KDM7A: variants seen among roughly 807,000 people sequenced by gnomAD.
KDM7A encodes the protein lysine demethylase 7A.
In KDM7A, 28 loss-of-function variants were observed where a neutral mutation model predicts 114.8. That is an observed-to-expected ratio of 0.24 (90% CI 0.18 to 0.33). KDM7A has a LOEUF of 0.33. Ranked by LOEUF, KDM7A falls within the 10% of genes least tolerant of loss-of-function variation. The pLI, the probability that KDM7A is intolerant of heterozygous loss-of-function variation, is 1.00. For synonymous variants in KDM7A, 423 were observed against 397.8 expected (o/e 1.06, Z -0.75); for missense variants, 942 against 1,142.5 (o/e 0.82, Z 2.53).
Position 140,105,896 on chromosome 7 carries a change from T to C in KDM7A, c.1429-3736A>G, listed in dbSNP as rs183242401. The stretch of plus-strand genomic sequence containing the variant: ...CTCTTCTTTGTACCTCTGGTAGAAT[T>C]TGGCTGTGAATCCGTCTGGTCCTGG... On this transcript the variant is annotated intron_variant, in intron 11 of 19. Coordinates refer to ENST00000397560, the MANE Select transcript of KDM7A (RefSeq NM_030647.2). Among the ~76,000 whole-genome samples, 24 of 152,316 alleles carry C rather than the reference T, an allele frequency of 1.6e-4. No individual in the cohort carries two copies. The East Asian group carries it at 2.7e-3, about 17-fold the overall frequency.
chr7:140,111,518 T>C (rs1360381990), intron 10 of KDM7A, among the ~76,000 whole-genome samples: 1 of 152,234 alleles, frequency 6.6e-6, no homozygotes, highest in African/African-American at 2.4e-5. Flanking sequence ...AAGCTTAACA[T>C]TTAATTCATA....
At chr7:140,174,672 C>T (rs1013215023) in intron 1 of KDM7A, among the ~76,000 whole-genome samples, 4 of 152,122 alleles carry the variant, frequency 2.6e-5, no homozygotes, top group Non-Finnish European at 4.4e-5. Flanking sequence ...GCGATCTCGG[C>T]TCACTGCAAC....
intron 1 of KDM7A, among the ~76,000 whole-genome samples, chr7:140,144,431 G>A (rs532913341): frequency 2.6e-5 from 4 of 152,140 alleles, no homozygotes; most frequent in Admixed American, 6.5e-5. Flanking sequence ...TCAAGGGTTC[G>A]GATCAGAATA....
intron 11 of KDM7A, among the ~76,000 whole-genome samples, chr7:140,102,494 T>C (rs1318060259): frequency 1.3e-5 from 2 of 152,080 alleles, no homozygotes; most frequent in Non-Finnish European, 2.9e-5. Flanking sequence ...GCGATCCTCC[T>C]ACCTTAGCCT....
chr7:140,106,493 T>C (rs1818339607), intron 11 of KDM7A, among the ~76,000 whole-genome samples: 1 of 152,352 alleles, frequency 6.6e-6, no homozygotes, highest in Admixed American at 6.5e-5. Flanking sequence ...TGTGTCTTTG[T>C]TCTCATTGGT....
chr7:140,139,991 A>C (rs1794243057), intron 1 of KDM7A, among the ~76,000 whole-genome samples: 1 of 152,218 alleles, frequency 6.6e-6, no homozygotes, highest in Non-Finnish European at 1.5e-5. Flanking sequence ...TAGTAATTTT[A>C]AAAATTGACC....
intron 1 of KDM7A, among the ~76,000 whole-genome samples, chr7:140,167,160 T>A (rs1325845635): frequency 1.3e-5 from 2 of 152,184 alleles, no homozygotes; most frequent in Non-Finnish European, 2.9e-5. Context: ...GGACTCAATA[T>A]TATTAACATA....
intron 7 of KDM7A, among the ~76,000 whole-genome samples, chr7:140,122,411 C>A (rs1818630525): frequency 6.6e-6 from 1 of 150,930 alleles, no homozygotes; most frequent in South Asian, 2.2e-4. Context: ...AACATAAAAG[C>A]AAGAAGTAGG....
intron 1 of KDM7A, among the ~76,000 whole-genome samples, chr7:140,166,335 C>CTTTTT (rs746518929): frequency 7.8e-6 from 1 of 128,668 alleles, no homozygotes; most frequent in African/African-American, 2.9e-5. Context: ...CTTTTTTTTC[C>CTTTTT]TTTTTTTTTT....
At position 140,096,596 on chromosome 7, in the gene KDM7A, T is replaced by C. The variant is rs1332467391; in HGVS notation, c.2333A>G (p.Glu778Gly). The C allele has an allele frequency of 2.5e-6, 4 of 1,614,172 alleles. No individual in the cohort carries two copies. The highest frequency in any genetic ancestry group is 1.3e-5 in the African/African-American group (1 of 75,046). The change falls in exon 17 of 20, where the codon GAG becomes GGG. Residue 778 changes from glutamate to glycine, a missense_variant. Coordinates refer to ENST00000397560, the MANE Select transcript of KDM7A (RefSeq NM_030647.2). ...ATCATAGCGATACAACTGCCTAACCTCATGGTTACTGCCATGGCAGCTGCT... is the reference window on the plus strand; with the variant it reads ...ATCATAGCGATACAACTGCCTAACCCCATGGTTACTGCCATGGCAGCTGCT... Reference protein sequence around the residue: ...DPSSCHGSNHEVRQLYRYDKP... With the variant: ...DPSSCHGSNHGVRQLYRYDKP...
At position 140,098,154 on chromosome 7, in the gene KDM7A, A is replaced by C. The variant is rs1169315573; in HGVS notation, c.1919-512T>G. ...TAGCACCTGGTGTGTGCAAAGACAGAGTCACCAACTACAGCAGTGCCAATT... is the reference window on the plus strand; with the variant it reads ...TAGCACCTGGTGTGTGCAAAGACAGCGTCACCAACTACAGCAGTGCCAATT... On this transcript the variant is annotated intron_variant, in intron 14 of 19. Coordinates refer to ENST00000397560, the MANE Select transcript of KDM7A (RefSeq NM_030647.2). 2.0e-5 allele frequency among the ~76,000 whole-genome samples: 3 copies of C among 152,260 alleles called. No homozygotes were observed. In the East Asian group the frequency reaches 5.8e-4, roughly 29 times the overall value.
chr7:140,145,495 C>T (rs888953004), intron 1 of KDM7A, among the ~76,000 whole-genome samples: 20 of 152,096 alleles, frequency 1.3e-4, no homozygotes, highest in African/African-American at 4.8e-4. Context: ...GTGATAAGAT[C>T]CAAGTGTGGA....
At chr7:140,172,221 T>A (rs894139506) in intron 1 of KDM7A, among the ~76,000 whole-genome samples, 4 of 152,142 alleles carry the variant, frequency 2.6e-5, no homozygotes, top group Admixed American at 2.6e-4. Context: ...AATTTCTTAT[T>A]GAGAAATTGT....
chr7:140,170,699 T>A (rs1192408350), intron 1 of KDM7A, among the ~76,000 whole-genome samples: 1 of 152,178 alleles, frequency 6.6e-6, no homozygotes, highest in Non-Finnish European at 1.5e-5. Flanking sequence ...TGTAAAACAT[T>A]CGATAAGTGA....
At chr7:140,138,800 A>G (rs1159396434) in intron 2 of KDM7A, among the ~76,000 whole-genome samples, 1 of 152,242 alleles carries the variant, frequency 6.6e-6, no homozygotes, top group Non-Finnish European at 1.5e-5. Flanking sequence ...AAGTGAAATC[A>G]GTTTCCAGAA....
In KDM7A at chr7:140,140,517, C is replaced by T. The variant is rs115933732; in HGVS notation, c.195-1327G>A. On this transcript the variant is annotated intron_variant, in intron 1 of 19. Coordinates refer to ENST00000397560, the MANE Select transcript of KDM7A (RefSeq NM_030647.2). ...GCAGCTGGGTGTGCTGGTTCACACC[C>T]GTAATCCCAGCACTTTGGGAGGCCG... is the stretch of plus-strand genomic sequence containing the variant. 2.9e-3 allele frequency among the ~76,000 whole-genome samples: 441 copies of T among 152,120 alleles called. 1 individual carries two copies. The highest frequency in any genetic ancestry group is 0.01 in the African/African-American group (419 of 41,504).
At chr7:140,128,098 T>C (rs775228710) in intron 4 of KDM7A, among the ~76,000 whole-genome samples, 1 of 152,210 alleles carries the variant, frequency 6.6e-6, no homozygotes, top group Non-Finnish European at 1.5e-5. Context: ...CTCCTGATAC[T>C]GTCTTCTAAT....
intron 12 of KDM7A, 61 bp downstream of exon 12, chr7:140,101,890 C>T: frequency 1.9e-6 from 2 of 1,060,536 alleles, no homozygotes; most frequent in South Asian, 1.3e-5. Context: ...TCTTATTATC[C>T]CTATAAAGAC....
chr7:140,101,922 T>A lies in KDM7A; in HGVS notation c.1638+29A>T, dbSNP rs774631228. ...AGACTTTAAGGAACAGCCAAGTTTC[T>A]TTTTGTTGTCATGAAACATAATACT... is the stretch of plus-strand genomic sequence containing the variant. On this transcript the variant is annotated intron_variant, in intron 12 of 19. Coordinates refer to ENST00000397560, the MANE Select transcript of KDM7A (RefSeq NM_030647.2). The A allele has an allele frequency of 8.0e-6, 12 of 1,491,892 alleles. No individual in the cohort carries two copies. In the South Asian group the frequency reaches 1.4e-4, roughly 17 times the overall value. 92.4% of individuals were successfully genotyped at this position (1,491,892 alleles called of 1,614,324 possible).
Sources: allele counts gnomAD v4.1 joint callset (sites outside exome capture counted in the v4.1 genomes callset), GRCh38; gene constraint gnomAD v4.1.1; transcripts MANE v1.5; gene names NCBI Gene and HGNC (gene_info 2026-07-23, HGNC 2026-07-21).